The following CNTN5 variants were observed in gnomAD, a reference collection of about 807,000 sequenced individuals.
CNTN5 encodes the protein contactin-5.
A neutral mutation model predicts 129.1 loss-of-function variants in CNTN5; 77 were observed. The ratio of observed to expected loss-of-function variants is 0.60; its 90% CI spans 0.50 to 0.72. The LOEUF (loss-of-function observed/expected upper bound fraction) is 0.72. Among genes scored for constraint, CNTN5 ranks in the 30% least tolerant of loss-of-function variants. CNTN5 has a pLI of 0.00. For synonymous variants in CNTN5, 509 were observed against 465.6 expected (o/e 1.09, Z -1.20); for missense variants, 1,478 against 1,328.8 (o/e 1.11, Z -1.75).
intron 16 of CNTN5, among the ~76,000 whole-genome samples, chr11:100,242,106 C>T (rs1266080148): frequency 6.6e-6 from 1 of 152,110 alleles, no homozygotes; most frequent in Non-Finnish European, 1.5e-5. Context: ...CCTGTATAAA[C>T]TGGCACTTGC....
intron 18 of CNTN5, among the ~76,000 whole-genome samples, chr11:100,272,114 A>G (rs1039255474): frequency 1.3e-5 from 2 of 152,186 alleles, no homozygotes; most frequent in Admixed American, 6.5e-5. Flanking sequence ...AAGAAATAAC[A>G]AATGCTAATG....
intron 1 of CNTN5, among the ~76,000 whole-genome samples, chr11:99,076,338 C>CAA (rs201948808): frequency 6.6e-6 from 1 of 150,920 alleles, no homozygotes; most frequent in African/African-American, 2.4e-5. Context: ...AAAAACAAAA[C>CAA]AAAACAAAAA....
At chr11:99,775,627 C>T (rs1437215943) in intron 3 of CNTN5, among the ~76,000 whole-genome samples, 1 of 151,952 alleles carries the variant, frequency 6.6e-6, no homozygotes, top group Admixed American at 6.6e-5. Flanking sequence ...TTTAAGTTTT[C>T]TTCGGGCATA....
intron 1 of CNTN5, among the ~76,000 whole-genome samples, chr11:99,298,031 C>A (rs1864462297): frequency 6.6e-6 from 1 of 152,060 alleles, no homozygotes; most frequent in Non-Finnish European, 1.5e-5. Context: ...CCGTGGAGCT[C>A]AGAAATCTGA....
chr11:99,669,134 T>C (rs1159054421), intron 3 of CNTN5, among the ~76,000 whole-genome samples: 2 of 152,184 alleles, frequency 1.3e-5, no homozygotes, highest in Non-Finnish European at 2.9e-5. Context: ...TCTACATTTA[T>C]AATTTTATTA....
intron 3 of CNTN5, among the ~76,000 whole-genome samples, chr11:99,662,767 C>G (rs1952642604): frequency 6.6e-6 from 1 of 152,188 alleles, no homozygotes; most frequent in Non-Finnish European, 1.5e-5. Flanking sequence ...GCAACAGCAG[C>G]AGCATCACCA....
chr11:99,782,984 T>A (rs1945369092), intron 3 of CNTN5, among the ~76,000 whole-genome samples: 1 of 151,422 alleles, frequency 6.6e-6, no homozygotes, highest in Non-Finnish European at 1.5e-5. Flanking sequence ...AAATGGGATC[T>A]AATTAAAGAG....
intron 3 of CNTN5, among the ~76,000 whole-genome samples, chr11:99,721,639 TACTTAA>T (rs1407707493): frequency 1.6e-4 from 24 of 152,182 alleles, no homozygotes; most frequent in Non-Finnish European, 2.2e-4. Flanking sequence ...AAGCGGGATC[TACTTAA>T]ACTTAAGAGT....
chr11:99,425,336 T>A (rs1286959117), intron 2 of CNTN5, among the ~76,000 whole-genome samples: 1 of 152,206 alleles, frequency 6.6e-6, no homozygotes, highest in Non-Finnish European at 1.5e-5. Flanking sequence ...AGGGTTTCAC[T>A]GAGGACCCTC....
intron 1 of CNTN5, among the ~76,000 whole-genome samples, chr11:99,174,301 A>C (rs578199198): frequency 6.6e-6 from 1 of 152,276 alleles, no homozygotes; most frequent in South Asian, 2.1e-4. Context: ...CCCAGCGAGA[A>C]TGACTTCTAA....
chr11:100,059,305 C>T lies in CNTN5; in HGVS notation c.981-1907C>T, dbSNP rs115704388. On this transcript the variant is annotated intron_variant, in intron 9 of 24. Transcript: ENST00000524871. Reference sequence around the variant, plus strand: ...ATGCTACCAAATACTTCAGAAAATACGGACAAACTTAGGTTTATAGATAAT... The same window carrying T: ...ATGCTACCAAATACTTCAGAAAATATGGACAAACTTAGGTTTATAGATAAT... Among the ~76,000 whole-genome samples, 887 of 152,050 alleles carry T rather than the reference C, an allele frequency of 5.8e-3. 9 individuals are homozygous for T. Among genetic ancestry groups the T allele is most frequent in the African/African-American group, 0.017 (716 of 41,484 alleles).
intron 13 of CNTN5, among the ~76,000 whole-genome samples, chr11:100,184,415 T>C (rs1948232661): frequency 2.6e-5 from 4 of 152,182 alleles, no homozygotes; most frequent in Admixed American, 2.6e-4. Flanking sequence ...TATGATATAA[T>C]GTCCACCCTG....
chr11:99,235,538 A>G (rs1417287651), intron 1 of CNTN5, among the ~76,000 whole-genome samples: 1 of 152,152 alleles, frequency 6.6e-6, no homozygotes, highest in Non-Finnish European at 1.5e-5. Context: ...ATGGCTCTGT[A>G]ATCATAGTGA....
chr11:99,436,846 C>T (rs968796368), intron 2 of CNTN5, among the ~76,000 whole-genome samples: 1 of 152,150 alleles, frequency 6.6e-6, no homozygotes, highest in East Asian at 1.9e-4. Flanking sequence ...ATACACTCAA[C>T]ATCGAGATAT....
chr11:99,656,024 A>G (rs187549084), intron 3 of CNTN5, among the ~76,000 whole-genome samples: 1 of 150,650 alleles, frequency 6.6e-6, no homozygotes, highest in Non-Finnish European at 1.5e-5. Context: ...CTCTGAATAC[A>G]GGTATGTGTG....
intron 4 of CNTN5, among the ~76,000 whole-genome samples, chr11:99,828,593 C>T (rs1157946245): frequency 1.3e-5 from 2 of 152,028 alleles, no homozygotes; most frequent in East Asian, 1.9e-4. Context: ...ATAGCCGATA[C>T]CCTATGCTAT....
At chr11:99,375,025 G>A (rs1264521716) in intron 2 of CNTN5, among the ~76,000 whole-genome samples, 1 of 152,114 alleles carries the variant, frequency 6.6e-6, no homozygotes, top group African/African-American at 2.4e-5. Flanking sequence ...GAGCTAGGCC[G>A]GGCGTGATGG....
intron 1 of CNTN5, among the ~76,000 whole-genome samples, chr11:99,287,628 C>T (rs1348158903): frequency 6.6e-6 from 1 of 151,974 alleles, no homozygotes; most frequent in Non-Finnish European, 1.5e-5. Flanking sequence ...CTATGAATTA[C>T]TATGAGGAAT....
At chr11:99,685,762 C>T (rs927321726) in intron 3 of CNTN5, among the ~76,000 whole-genome samples, 15 of 151,868 alleles carry the variant, frequency 9.9e-5, no homozygotes, top group African/African-American at 3.1e-4. Context: ...TCAAGGCTGA[C>T]GGTCCTTGCA....
Sources: gnomAD v4.1 joint callset for allele counts (sites outside exome capture counted in the v4.1 genomes callset) on GRCh38, gnomAD v4.1.1 for gene constraint, MANE v1.5 for transcripts, NCBI Gene and HGNC (gene_info 2026-07-23, HGNC 2026-07-21) for gene names.